The following LRRIQ1 variants were observed in gnomAD, a reference collection of about 807,000 sequenced individuals.
The protein encoded by LRRIQ1 is leucine-rich repeat- and IQ domain-containing protein 1.
Under a neutral mutation model 211.9 loss-of-function variants are expected in LRRIQ1, and 210 were observed. The observed-to-expected ratio is 0.99, with a 90% CI of 0.89 to 1.11. LRRIQ1 has a LOEUF of 1.11. Among genes scored for constraint, LRRIQ1 ranks in the 50% most tolerant of loss-of-function variants. The pLI is 0.00. For missense variants in LRRIQ1, 2,136 were observed against 1,939.5 expected (o/e 1.10, Z -1.90); for synonymous variants, 699 against 650.1 (o/e 1.08, Z -1.14).
downstream of LRRIQ1, chr12:85,245,179 G>T: frequency 2.2e-6 from 1 of 462,376 alleles, no homozygotes; most frequent in Non-Finnish European, 3.4e-6. Context: ...GAATCATATT[G>T]AATTCTTTGA....
chr12:85,196,356 C>T (rs1316561243), intron 24 of LRRIQ1, among the ~76,000 whole-genome samples: 4 of 152,088 alleles, frequency 2.6e-5, no homozygotes, highest in African/African-American at 9.7e-5. Context: ...CAAAAAAGAG[C>T]CCACATCGCC....
chr12:85,064,063 T>C (rs1882152123), intron 8 of LRRIQ1, among the ~76,000 whole-genome samples: 1 of 151,832 alleles, frequency 6.6e-6, no homozygotes, highest in Non-Finnish European at 1.5e-5. Context: ...AGCAGCAGTA[T>C]TGCTGGAACA....
chr12:85,208,204 A>C (rs1344513601), intron 24 of LRRIQ1, among the ~76,000 whole-genome samples: 1 of 146,276 alleles, frequency 6.8e-6, no homozygotes, highest in Admixed American at 6.8e-5. Context: ...ATCCATTGTC[A>C]AAAAAAAAAG....
At chr12:85,109,638 A>T (rs77931491) in intron 15 of LRRIQ1, among the ~76,000 whole-genome samples, 1 of 152,116 alleles carries the variant, frequency 6.6e-6, no homozygotes, top group Admixed American at 6.6e-5. Context: ...ATCACCTGGA[A>T]ACCCAGCAGA....
At chr12:85,229,474 G>T (rs1417053697) in intron 24 of LRRIQ1, 43 bp from the exon 25 acceptor site, 3 of 1,522,416 alleles carry the variant, frequency 2.0e-6, no homozygotes, top group African/African-American at 1.4e-5. Flanking sequence ...CCAAAGTTTG[G>T]TCTCTTTAAA....
intron 19 of LRRIQ1, among the ~76,000 whole-genome samples, chr12:85,141,906 T>A (rs1369995124): frequency 2.2e-5 from 3 of 138,112 alleles, no homozygotes; most frequent in Non-Finnish European, 1.5e-5. Context: ...GTTAATTGAG[T>A]TTTATTTTTT....
At chr12:85,103,543 T>C (rs1886545559) in intron 13 of LRRIQ1, among the ~76,000 whole-genome samples, 2 of 151,790 alleles carry the variant, frequency 1.3e-5, no homozygotes, top group Non-Finnish European at 3.0e-5. Context: ...ATTTCTCCTG[T>C]TGAAAAGTGA....
At chr12:85,090,664 A>T (rs927270992) in intron 11 of LRRIQ1, among the ~76,000 whole-genome samples, 21 of 152,214 alleles carry the variant, frequency 1.4e-4, no homozygotes, top group African/African-American at 4.8e-4. Context: ...GTGTTTACCC[A>T]GTTCTGATAC....
intron 24 of LRRIQ1, among the ~76,000 whole-genome samples, chr12:85,198,133 TATATA>T (rs975469074): frequency 8.1e-6 from 1 of 123,722 alleles, no homozygotes; most frequent in Non-Finnish European, 1.6e-5. Context: ...ATATATATTA[TATATA>T]ATATATTATA....
intron 24 of LRRIQ1, among the ~76,000 whole-genome samples, chr12:85,206,428 G>A (rs886209024): frequency 6.6e-6 from 1 of 152,168 alleles, no homozygotes; most frequent in African/African-American, 2.4e-5. Flanking sequence ...GTTTGTTTTT[G>A]TGCTGGCAAT....
rs747972795 is a variant in LRRIQ1 at position 85,055,943 on chromosome 12, A to G, written c.1150A>G (p.Ile384Val). The change falls in exon 8 of 27, where the codon ATA (isoleucine) becomes GTA (valine). Residue 384 changes from isoleucine (I) to valine (V), a missense_variant. Coordinates refer to ENST00000393217, the MANE Select transcript of LRRIQ1 (RefSeq NM_001079910.2). ...EREQLISKEKIILREDASQQL... is the reference protein window; with the variant it reads ...EREQLISKEKVILREDASQQL... ...AGAGCAACTAATAAGCAAGGAAAAAATAATATTAAGAGAAGATGCAAGCCA... is the reference window on the plus strand; with the variant it reads ...AGAGCAACTAATAAGCAAGGAAAAAGTAATATTAAGAGAAGATGCAAGCCA... The G allele has an allele frequency of 3.7e-6, 6 of 1,606,940 alleles. No homozygotes were observed. The highest frequency in any genetic ancestry group is 1.7e-5 in the Admixed American group (1 of 59,232).
chr12:85,069,723 G>A (rs1206911548), intron 10 of LRRIQ1, among the ~76,000 whole-genome samples: 3 of 152,010 alleles, frequency 2.0e-5, no homozygotes, highest in East Asian at 3.9e-4. Context: ...GTGTTTTTTG[G>A]CTGCATAAAT....
intron 11 of LRRIQ1, among the ~76,000 whole-genome samples, chr12:85,075,622 C>G (rs1389403612): frequency 1.3e-5 from 2 of 151,998 alleles, no homozygotes; most frequent in Non-Finnish European, 2.9e-5. Context: ...CCCCCTACCC[C>G]AATCATGATC....
chr12:85,175,827 A>G (rs1016128398), intron 24 of LRRIQ1, among the ~76,000 whole-genome samples: 1 of 152,010 alleles, frequency 6.6e-6, no homozygotes, highest in African/African-American at 2.4e-5. Flanking sequence ...GATATGCGGC[A>G]TTATTTCTGA....
chr12:85,137,756 TA>T, intron 18 of LRRIQ1, 93 bp from the exon 19 acceptor site: 2 of 1,050,524 alleles, frequency 1.9e-6, no homozygotes, highest in Non-Finnish European at 2.6e-6. Context: ...AACTTAGGTC[TA>T]AGATGTTTTA....
At chr12:85,246,034 T>G (rs1019205707), downstream of LRRIQ1, among the ~76,000 whole-genome samples, 2 of 151,252 alleles carry the variant, frequency 1.3e-5, no homozygotes, top group Admixed American at 1.3e-4. Flanking sequence ...GTACTTGGCT[T>G]TATTAGATTA....
chr12:85,242,353 T>TA (rs967178367), intron 26 of LRRIQ1, among the ~76,000 whole-genome samples: 6 of 151,770 alleles, frequency 4.0e-5, no homozygotes, highest in African/African-American at 1.2e-4. Context: ...ATGATACAAA[T>TA]AAAAAAACAA....
chr12:85,263,469 TTAGA>T (rs962127780), exon 2 of LRRIQ1: 2 of 152,052 alleles, frequency 1.3e-5, no homozygotes, highest in African/African-American at 4.8e-5. Flanking sequence ...ATAAACTTTA[TTAGA>T]TTATCGTACT....
chr12:85,044,336 T>A (rs891606210), intron 3 of LRRIQ1, among the ~76,000 whole-genome samples: 1 of 152,050 alleles, frequency 6.6e-6, no homozygotes, highest in African/African-American at 2.4e-5. Flanking sequence ...TTTATTAAAA[T>A]GTTTTCAATA....
Sources: gnomAD v4.1 joint callset for allele counts (sites outside exome capture counted in the v4.1 genomes callset) on GRCh38, gnomAD v4.1.1 for gene constraint, MANE v1.5 for transcripts, NCBI Gene and HGNC (gene_info 2026-07-23, HGNC 2026-07-21) for gene names.